The following BMPR2 variants were observed in gnomAD, a reference collection of about 807,000 sequenced individuals.
The protein encoded by BMPR2 is bone morphogenetic protein receptor type 2, also known as bone morphogenetic protein receptor type-2.
A neutral mutation model predicts 100.8 loss-of-function variants in BMPR2; 29 were observed. That is an observed-to-expected ratio of 0.29 (90% confidence interval 0.21 to 0.39). BMPR2 has a LOEUF of 0.39. BMPR2 is among the 10% of genes least tolerant of loss of function. The probability of loss-of-function intolerance (pLI) is 1.00; values close to 1 mark genes in which losing one functional copy is unlikely to be tolerated. For missense variants in BMPR2, 1,011 were observed against 1,274.5 expected (o/e 0.79, Z 3.15); for synonymous variants, 382 against 442.3 (o/e 0.86, Z 1.71).
At chr2:202,519,335 C>T (rs890481354) in intron 6 of BMPR2, among the ~76,000 whole-genome samples, 5 of 152,058 alleles carry the variant, frequency 3.3e-5, no homozygotes, top group African/African-American at 1.2e-4. Context: ...CGTACTCCAG[C>T]CTGGGCGACA....
intron 3 of BMPR2, among the ~76,000 whole-genome samples, chr2:202,489,540 G>A (rs113539301): frequency 0.036 from 5,497 of 152,256 alleles, 121 homozygotes; most frequent in Middle Eastern, 0.075. Flanking sequence ...TAGATTTAAA[G>A]TTGTAGTTTA....
chr2:202,499,469 C>T (rs1464395753), intron 3 of BMPR2, among the ~76,000 whole-genome samples: 2 of 151,884 alleles, frequency 1.3e-5, no homozygotes, highest in Non-Finnish European at 2.9e-5. Context: ...GGACTGGAGT[C>T]GTAAACATCT....
At chr2:202,481,914 G>A (rs1043535458) in intron 3 of BMPR2, among the ~76,000 whole-genome samples, 6 of 151,898 alleles carry the variant, frequency 4.0e-5, no homozygotes, top group South Asian at 2.1e-4. Flanking sequence ...TCCTATTGTC[G>A]TACGACCAAT....
intron 1 of BMPR2, among the ~76,000 whole-genome samples, chr2:202,399,399 C>T (rs1048278212): frequency 2.0e-5 from 3 of 152,022 alleles, no homozygotes; most frequent in African/African-American, 7.2e-5. Flanking sequence ...TTCACAGGAT[C>T]GGAAAGGAGC....
chr2:202,507,132 T>G (rs147826737), intron 3 of BMPR2, among the ~76,000 whole-genome samples: 1 of 151,634 alleles, frequency 6.6e-6, no homozygotes, highest in East Asian at 1.9e-4. Flanking sequence ...CCTCCTCACA[T>G]GTACAGTGGT....
intron 9 of BMPR2, among the ~76,000 whole-genome samples, chr2:202,534,326 A>G (rs892633104): frequency 5.3e-5 from 8 of 151,478 alleles, no homozygotes; most frequent in Non-Finnish European, 1.2e-4. Flanking sequence ...TGGCTGGGTC[A>G]TAGGACAATA....
intron 3 of BMPR2, among the ~76,000 whole-genome samples, chr2:202,481,693 A>G (rs962730641): frequency 6.6e-6 from 1 of 152,174 alleles, no homozygotes; most frequent in African/African-American, 2.4e-5. Flanking sequence ...ACAATGTTTT[A>G]TAGTTTACTC....
chr2:202,377,869 AC>A (rs1690186232), intron 1 of BMPR2, among the ~76,000 whole-genome samples: 2 of 152,266 alleles, frequency 1.3e-5, no homozygotes. Flanking sequence ...TATTTTAATC[AC>A]CAGTGAACAG....
intron 10 of BMPR2, among the ~76,000 whole-genome samples, chr2:202,549,657 G>C (rs1319267103): frequency 6.7e-6 from 1 of 150,308 alleles, no homozygotes; most frequent in Non-Finnish European, 1.5e-5. Context: ...TGAGGCTTGA[G>C]AATCGTTTGA....
chr2:202,448,529 T>A (rs1419436560), intron 1 of BMPR2, among the ~76,000 whole-genome samples: 1 of 150,994 alleles, frequency 6.6e-6, no homozygotes, highest in Non-Finnish European at 1.5e-5. Flanking sequence ...TGGTCTTGGC[T>A]CACTGCAGCC....
At chr2:202,460,975 C>G (rs1692214204) in intron 1 of BMPR2, among the ~76,000 whole-genome samples, 1 of 151,914 alleles carries the variant, frequency 6.6e-6, no homozygotes, top group African/African-American at 2.4e-5. Context: ...CTCAGCCTCC[C>G]AAGTAGCTGG....
At chr2:202,419,647 A>C (rs939420462) in intron 1 of BMPR2, among the ~76,000 whole-genome samples, 1 of 152,038 alleles carries the variant, frequency 6.6e-6, no homozygotes, top group African/African-American at 2.4e-5. Flanking sequence ...GAGCCACTGC[A>C]CCTGGTGTAT....
intron 9 of BMPR2, among the ~76,000 whole-genome samples, chr2:202,536,095 G>A (rs543347019): frequency 2.0e-5 from 3 of 149,704 alleles, no homozygotes; most frequent in Non-Finnish European, 4.4e-5. Flanking sequence ...CGTGGGGAGA[G>A]GGAGAGGGAG....
At chr2:202,402,676 A>ATT (rs1259950200) in intron 1 of BMPR2, among the ~76,000 whole-genome samples, 1 of 122,514 alleles carries the variant, frequency 8.2e-6, no homozygotes, top group South Asian at 2.9e-4. Context: ...GTGTGTGTGT[A>ATT]TTTTTTTTGA....
At position 202,563,436 on chromosome 2, in the gene BMPR2, A is replaced by G. The variant is rs1425652466; in HGVS notation, c.*3490A>G. 1 of 151,558 alleles carries G rather than the reference A, an allele frequency of 6.6e-6. No homozygotes were observed. The highest frequency in any genetic ancestry group is 2.4e-5 in the African/African-American group (1 of 41,288). 9.4% of individuals were successfully genotyped at this position (151,558 alleles called of 1,614,324 possible). On this transcript the variant is annotated 3_prime_UTR_variant, in exon 13 of 13. Transcript: ENST00000374580. ...TAGGCGACAGAGCAAGACTGCCTCA[A>G]AAAAAAAACATAAAAATTCAGTCAC... is the stretch of plus-strand genomic sequence containing the variant.
chr2:202,492,304 G>C (rs906980307), intron 3 of BMPR2, among the ~76,000 whole-genome samples: 10 of 151,866 alleles, frequency 6.6e-5, no homozygotes, highest in Non-Finnish European at 1.3e-4. Context: ...ACCAAGCTCT[G>C]CATTTTGTAT....
At chr2:202,509,088 G>A (rs979294974) in intron 3 of BMPR2, among the ~76,000 whole-genome samples, 8 of 152,214 alleles carry the variant, frequency 5.3e-5, no homozygotes, top group African/African-American at 1.7e-4. Context: ...CTGTATGAGA[G>A]TGATTTTAAT....
At chr2:202,557,736 A>T (rs1688606764) in intron 12 of BMPR2, among the ~76,000 whole-genome samples, 1 of 152,176 alleles carries the variant, frequency 6.6e-6, no homozygotes, top group Non-Finnish European at 1.5e-5. Flanking sequence ...AGAAAAAAGT[A>T]ATATTTTTGT....
intron 1 of BMPR2, among the ~76,000 whole-genome samples, chr2:202,457,308 T>G (rs1574459101): frequency 6.6e-6 from 1 of 151,880 alleles, no homozygotes; most frequent in South Asian, 2.1e-4. Context: ...TTTCAGTTAT[T>G]CATTGCTTCA....
Sources: gnomAD v4.1 joint callset for allele counts (sites outside exome capture counted in the v4.1 genomes callset) on GRCh38, gnomAD v4.1.1 for gene constraint, MANE v1.5 for transcripts, NCBI Gene and HGNC (gene_info 2026-07-23, HGNC 2026-07-21) for gene names.